Variants in STPG4 observed in about 807,000 individuals in gnomAD.
STPG4 encodes the protein protein STPG4.
In STPG4, 41 loss-of-function variants were observed where a neutral mutation model predicts 31.5. The ratio of observed to expected loss-of-function variants is 1.30; its 90% confidence interval spans 1.01 to 1.69. STPG4 has a LOEUF of 1.69. Ranked by LOEUF, STPG4 falls within the 40% of genes most tolerant of loss-of-function variation. The probability of loss-of-function intolerance (pLI) is 0.00; values close to 1 mark genes in which losing one functional copy is unlikely to be tolerated. For synonymous variants in STPG4, 141 were observed against 103.0 expected, an observed-to-expected ratio of 1.37 and a Z score of -2.24; for missense variants, 375 against 293.4, an observed-to-expected ratio of 1.28 and a Z score of -2.03.
intron 5 of STPG4, among the ~76,000 whole-genome samples, chr2:47,115,571 C>T (rs887814175): frequency 2.0e-5 from 3 of 151,728 alleles, no homozygotes; most frequent in African/African-American, 7.3e-5. Context: ...AAAATCTTCC[C>T]CTTCTATTCC....
chr2:47,119,788 A>G (rs1208542871), intron 5 of STPG4, among the ~76,000 whole-genome samples: 1 of 152,242 alleles, frequency 6.6e-6, no homozygotes, highest in African/African-American at 2.4e-5. Context: ...GCACCAAGCA[A>G]GGAGGGCCAG....
At chr2:47,120,720 G>T (rs1201684477) in intron 5 of STPG4, among the ~76,000 whole-genome samples, 2 of 152,062 alleles carry the variant, frequency 1.3e-5, no homozygotes, top group East Asian at 1.9e-4. Flanking sequence ...AGTGTTCTTG[G>T]CTATTGTTTT....
chr2:47,120,906 A>ACAT (rs1686260082), intron 5 of STPG4: 1 of 152,246 alleles, frequency 6.6e-6, no homozygotes, highest in Non-Finnish European at 1.5e-5. Flanking sequence ...CGCAACACAC[A>ACAT]ACTATACATA....
chr2:47,109,306 C>T (rs1414878834), intron 5 of STPG4, among the ~76,000 whole-genome samples: 2 of 152,158 alleles, frequency 1.3e-5, no homozygotes, highest in African/African-American at 2.4e-5. Context: ...CCTGTAATCC[C>T]CACACTTTGG....
At chr2:47,101,339 A>G (rs1204439367) in intron 5 of STPG4, among the ~76,000 whole-genome samples, 2 of 151,698 alleles carry the variant, frequency 1.3e-5, no homozygotes, top group Non-Finnish European at 2.9e-5. Context: ...GACAGAGAGG[A>G]AAGCCATGCA....
chr2:47,107,337 C>G (rs906282029), intron 5 of STPG4, among the ~76,000 whole-genome samples: 4 of 152,168 alleles, frequency 2.6e-5, no homozygotes, highest in Non-Finnish European at 5.9e-5. Context: ...AGCTGGAGTT[C>G]CGGGTGGGCA....
At chr2:47,132,209 AGAAG>A (rs370528815) in intron 3 of STPG4, among the ~76,000 whole-genome samples, 74 of 151,884 alleles carry the variant, frequency 4.9e-4, no homozygotes, top group African/African-American at 1.8e-3. Context: ...AGGTAGGGAA[AGAAG>A]GAAGGAGAAT....
chr2:47,112,694 T>A (rs981297048), intron 5 of STPG4, among the ~76,000 whole-genome samples: 4 of 152,338 alleles, frequency 2.6e-5, no homozygotes, highest in African/African-American at 9.6e-5. Flanking sequence ...TATATCAACA[T>A]TGAGGCAGCC....
At chr2:47,123,820 C>T (rs1014498794) in intron 5 of STPG4, among the ~76,000 whole-genome samples, 3 of 151,952 alleles carry the variant, frequency 2.0e-5, no homozygotes, top group African/African-American at 7.3e-5. Context: ...TTTATGGCCA[C>T]ATAGTAGGTA....
chr2:47,116,894 T>A (rs539442259), intron 5 of STPG4, among the ~76,000 whole-genome samples: 1 of 152,298 alleles, frequency 6.6e-6, no homozygotes, highest in East Asian at 1.9e-4. Context: ...GTTTCAGGCA[T>A]TGCTGCAGTG....
intron 3 of STPG4, among the ~76,000 whole-genome samples, chr2:47,142,487 A>G (rs1354336905): frequency 6.6e-6 from 1 of 152,234 alleles, no homozygotes; most frequent in Non-Finnish European, 1.5e-5. Flanking sequence ...TTTAAGAAAG[A>G]AAACAAGAGA....
intron 3 of STPG4, among the ~76,000 whole-genome samples, chr2:47,137,734 T>G (rs552933474): frequency 4.6e-5 from 7 of 152,328 alleles, no homozygotes; most frequent in Admixed American, 2.6e-4. Flanking sequence ...TGGTTCATTT[T>G]ATCTAGGTAA....
intron 5 of STPG4, among the ~76,000 whole-genome samples, chr2:47,107,567 CT>C (rs923583484): frequency 1.3e-5 from 2 of 152,158 alleles, no homozygotes; most frequent in Admixed American, 6.5e-5. Flanking sequence ...CTCCCACCCC[CT>C]GTATGGGCTC....
chr2:47,140,249 A>C (rs556567452), intron 3 of STPG4, among the ~76,000 whole-genome samples: 1 of 152,270 alleles, frequency 6.6e-6, no homozygotes, highest in South Asian at 2.1e-4. Flanking sequence ...CAGGTCAGTT[A>C]GGTCCTGATT....
rs1030851043 is a variant in STPG4 at position 47,097,687 on chromosome 2, G to A, written c.520-7313C>T. Among the ~76,000 whole-genome samples the A allele has an allele frequency of 5.3e-5, 8 of 152,252 alleles. No homozygotes were observed. In the East Asian group the frequency reaches 1.5e-3, roughly 29 times the overall value. ...TTGATCTTGGACTTCCTGGCCTCCA[G>A]AACTGTGAACAATACATTTCTATGG... On this transcript the variant is annotated intron_variant, in intron 5 of 6. Coordinates refer to ENST00000445927, the MANE Select transcript of STPG4 (RefSeq NM_001163561.2).
At chr2:47,153,957 C>T (rs886771116) in intron 1 of STPG4, among the ~76,000 whole-genome samples, 1 of 152,096 alleles carries the variant, frequency 6.6e-6, no homozygotes. Flanking sequence ...CCCATTCATC[C>T]ATTATTATTT....
chr2:47,115,553 A>G (rs1187275006), intron 5 of STPG4, among the ~76,000 whole-genome samples: 1 of 150,144 alleles, frequency 6.7e-6, no homozygotes, highest in African/African-American at 2.5e-5. Context: ...TGCTAATTGT[A>G]TTTTTAAAAA....
intron 5 of STPG4, among the ~76,000 whole-genome samples, chr2:47,093,398 A>C (rs148035238): frequency 6.6e-6 from 1 of 152,354 alleles, no homozygotes; most frequent in Non-Finnish European, 1.5e-5. Flanking sequence ...AACACAAAGA[A>C]GCAAAACGCC....
intron 3 of STPG4, among the ~76,000 whole-genome samples, chr2:47,143,572 G>A (rs920963313): frequency 3.5e-4 from 52 of 150,506 alleles, no homozygotes; most frequent in African/African-American, 1.2e-3. Context: ...TGCAAGCTCC[G>A]CCTCCTGGGT....
Sources: gnomAD v4.1 joint callset for allele counts (sites outside exome capture counted in the v4.1 genomes callset) on GRCh38, gnomAD v4.1.1 for gene constraint, MANE v1.5 for transcripts, NCBI Gene and HGNC (gene_info 2026-07-23, HGNC 2026-07-21) for gene names.